ADAMTS19: variants seen among roughly 807,000 people sequenced by gnomAD.
ADAMTS19 encodes ADAM metallopeptidase with thrombospondin type 1 motif 19, also known as A disintegrin and metalloproteinase with thrombospondin motifs 19.
ADAMTS19 carries 93 observed loss-of-function variants against 153.3 expected under a neutral mutation model. The observed-to-expected ratio is 0.61, with a 90% CI of 0.51 to 0.72. The LOEUF (loss-of-function observed/expected upper bound fraction) is 0.72, where lower values mean the gene tolerates loss of function less well. Ranked by LOEUF, ADAMTS19 falls within the 30% of genes least tolerant of loss-of-function variation. The probability of loss-of-function intolerance (pLI) is 0.00; values close to 1 mark genes in which losing one functional copy is unlikely to be tolerated. For missense variants in ADAMTS19, 1,482 were observed against 1,552.1 expected (o/e 0.95, Z 0.76); for synonymous variants, 600 against 556.6 (o/e 1.08, Z -1.10).
chr5:129,649,016 G>A, intron 13 of ADAMTS19, 46 bp downstream of exon 13: 1 of 1,486,072 alleles, frequency 6.7e-7, no homozygotes, highest in Non-Finnish European at 9.1e-7. Context: ...TAGATTTCTA[G>A]GTTTGCGAAG....
intron 3 of ADAMTS19, among the ~76,000 whole-genome samples, chr5:129,512,282 A>G (rs1188677836): frequency 6.6e-6 from 1 of 152,054 alleles, no homozygotes; most frequent in African/African-American, 2.4e-5. Flanking sequence ...ACTAGTTCCC[A>G]TACTCCAACC....
chr5:129,728,746 T>C (rs1179899493), intron 21 of ADAMTS19, among the ~76,000 whole-genome samples: 1 of 152,194 alleles, frequency 6.6e-6, no homozygotes, highest in African/African-American at 2.4e-5. Context: ...CATTGTGTTT[T>C]GTTAATAAAT....
intron 21 of ADAMTS19, among the ~76,000 whole-genome samples, chr5:129,715,314 T>C (rs1756676349): frequency 6.6e-6 from 1 of 152,206 alleles, no homozygotes; most frequent in Non-Finnish European, 1.5e-5. Context: ...TGATTGATAT[T>C]ATGGATACAG....
intron 8 of ADAMTS19, among the ~76,000 whole-genome samples, chr5:129,613,485 A>G: frequency 6.6e-6 from 1 of 152,188 alleles, no homozygotes; most frequent in Non-Finnish European, 1.5e-5. Context: ...CTTTGAAACC[A>G]ACGAGAACAA....
intron 21 of ADAMTS19, among the ~76,000 whole-genome samples, chr5:129,712,348 AG>A (rs1383237577): frequency 1.2e-4 from 18 of 152,188 alleles, no homozygotes; most frequent in African/African-American, 4.3e-4. Flanking sequence ...ATCCTAAAAA[AG>A]AAACATTTTA....
At chr5:129,608,613 A>C (rs1257418092) in intron 8 of ADAMTS19, among the ~76,000 whole-genome samples, 3 of 152,114 alleles carry the variant, frequency 2.0e-5, no homozygotes, top group Admixed American at 2.0e-4. Context: ...TTAGATATAC[A>C]CTAAGAACTA....
intron 10 of ADAMTS19, among the ~76,000 whole-genome samples, chr5:129,632,360 GAT>G (rs373786604): frequency 4.0e-5 from 6 of 150,792 alleles, no homozygotes; most frequent in Admixed American, 2.0e-4. Context: ...TATATATATA[GAT>G]ATAGATATAA....
At chr5:129,638,927 T>G (rs1054429025) in intron 10 of ADAMTS19, among the ~76,000 whole-genome samples, 1 of 152,192 alleles carries the variant, frequency 6.6e-6, no homozygotes, top group African/African-American at 2.4e-5. Flanking sequence ...TTTCAATACA[T>G]AGTACATTTA....
At chr5:129,579,338 G>C (rs1387265843) in intron 7 of ADAMTS19, among the ~76,000 whole-genome samples, 1 of 152,026 alleles carries the variant, frequency 6.6e-6, no homozygotes, top group African/African-American at 2.4e-5. Flanking sequence ...CTGGATATTA[G>C]ACCTTTGTCA....
At chr5:129,609,479 C>T (rs1751093039) in intron 8 of ADAMTS19, among the ~76,000 whole-genome samples, 1 of 152,016 alleles carries the variant, frequency 6.6e-6, no homozygotes, top group African/African-American at 2.4e-5. Flanking sequence ...CTTCACTGGC[C>T]TTTCATTTTT....
chr5:129,503,805 G>A (rs1015266686), intron 2 of ADAMTS19, among the ~76,000 whole-genome samples: 1 of 151,994 alleles, frequency 6.6e-6, no homozygotes, highest in Non-Finnish European at 1.5e-5. Context: ...TCCAGCCTGG[G>A]TGACAGAGTG....
At chr5:129,710,087 C>T (rs1756372102) in intron 21 of ADAMTS19, among the ~76,000 whole-genome samples, 1 of 151,946 alleles carries the variant, frequency 6.6e-6, no homozygotes, top group South Asian at 2.1e-4. Context: ...GGTATTAAGC[C>T]CTGCATGTAT....
intron 21 of ADAMTS19, among the ~76,000 whole-genome samples, chr5:129,731,047 C>T (rs934973404): frequency 6.6e-5 from 10 of 152,002 alleles, no homozygotes; most frequent in African/African-American, 2.4e-4. Flanking sequence ...CAACCTCCGC[C>T]TCTTGGATTC....
chr5:129,584,467 C>A (rs539309586), intron 7 of ADAMTS19, among the ~76,000 whole-genome samples: 4 of 152,152 alleles, frequency 2.6e-5, no homozygotes, highest in Non-Finnish European at 5.9e-5. Flanking sequence ...CAGGCAGGAA[C>A]AATTAAGTCT....
intron 16 of ADAMTS19, among the ~76,000 whole-genome samples, chr5:129,677,974 A>G (rs1327449705): frequency 1.3e-5 from 2 of 151,916 alleles, no homozygotes; most frequent in Non-Finnish European, 2.9e-5. Flanking sequence ...CACCATACCT[A>G]GCTAATTTTT....
rs3979171 is a variant in ADAMTS19 at position 129,665,881 on chromosome 5, C to CATATATATATATAT, written c.2506+311_2506+324dup. On this transcript the variant is annotated intron_variant, in intron 16 of 22. Coordinates refer to ENST00000274487, the MANE Select transcript of ADAMTS19 (RefSeq NM_133638.6). The stretch of plus-strand genomic sequence containing the variant: ...GAATGATTTGGGTATGATTTATATT[C>CATATATATATATAT]ATATATATATATATATATATATTTC... Among the ~76,000 whole-genome samples the CATATATATATATAT allele has an allele frequency of 1.4e-3, 197 of 143,646 alleles. No homozygotes were observed. The Middle Eastern group carries it at 0.015, about 11-fold the overall frequency. 94.2% of individuals were successfully genotyped at this position (143,646 alleles called of 152,430 possible).
chr5:129,611,217 A>C (rs1415653963), intron 8 of ADAMTS19, among the ~76,000 whole-genome samples: 1 of 151,836 alleles, frequency 6.6e-6, no homozygotes, highest in East Asian at 1.9e-4. Context: ...GATTGCAAAA[A>C]TTTTCTCCCA....
intron 16 of ADAMTS19, among the ~76,000 whole-genome samples, chr5:129,677,191 T>C (rs1216454826): frequency 6.6e-6 from 1 of 152,176 alleles, no homozygotes; most frequent in Admixed American, 6.5e-5. Flanking sequence ...GAAAAGTAGA[T>C]TGGGCCCAGC....
At chr5:129,562,639 C>G (rs892187579) in intron 7 of ADAMTS19, among the ~76,000 whole-genome samples, 1 of 150,958 alleles carries the variant, frequency 6.6e-6, no homozygotes, top group Admixed American at 6.6e-5. Context: ...TGTGTGTGTG[C>G]GTGTGTGTGT....
Sources: gnomAD v4.1 joint callset for allele counts (sites outside exome capture counted in the v4.1 genomes callset) on GRCh38, gnomAD v4.1.1 for gene constraint, MANE v1.5 for transcripts, NCBI Gene and HGNC (gene_info 2026-07-23, HGNC 2026-07-21) for gene names.